The following INPP4B variants were observed in gnomAD, a reference collection of about 807,000 sequenced individuals.
The protein encoded by INPP4B is inositol polyphosphate-4-phosphatase type II B, also known as inositol polyphosphate 4-phosphatase type II.
INPP4B carries 55 observed loss-of-function variants against 122.5 expected under a neutral mutation model. That is an observed-to-expected ratio of 0.45 (90% confidence interval 0.36 to 0.56). The LOEUF is 0.56. Among genes scored for constraint, INPP4B ranks in the 20% least tolerant of loss-of-function variants. The probability of loss-of-function intolerance (pLI) is 0.00; values close to 1 mark genes in which losing one functional copy is unlikely to be tolerated. For synonymous variants in INPP4B, 403 were observed against 388.7 expected, an observed-to-expected ratio of 1.04 and a Z score of -0.43; for missense variants, 1,000 against 1,097.7, an observed-to-expected ratio of 0.91 and a Z score of 1.26.
chr4:142,475,630 G>A lies in INPP4B; in HGVS notation c.-190-12904C>T, dbSNP rs1312576697. On this transcript the variant is annotated intron_variant, in intron 2 of 25. Transcript: ENST00000262992. ...TGGTACAGAAACTAGAAGGTAAAAT[G>A]GCCATTTTAAGAAAGAACCAAACTG... 2.0e-5 allele frequency among the ~76,000 whole-genome samples: 3 copies of A among 152,194 alleles called. No homozygotes were observed. The East Asian group carries it at 5.8e-4, about 29-fold the overall frequency.
chr4:142,758,674 C>G (rs1252160796), intron 1 of INPP4B, among the ~76,000 whole-genome samples: 1 of 152,044 alleles, frequency 6.6e-6, no homozygotes, highest in Admixed American at 6.6e-5. Flanking sequence ...TTGTTAAGGC[C>G]GGGCACAATG....
At chr4:142,612,831 A>C (rs1481741055) in intron 2 of INPP4B, among the ~76,000 whole-genome samples, 1 of 152,156 alleles carries the variant, frequency 6.6e-6, no homozygotes, top group Non-Finnish European at 1.5e-5. Flanking sequence ...ATTGGTGGAA[A>C]AGAAGCATTC....
intron 2 of INPP4B, among the ~76,000 whole-genome samples, chr4:142,607,262 G>A (rs1741466153): frequency 6.6e-6 from 1 of 151,892 alleles, no homozygotes; most frequent in Non-Finnish European, 1.5e-5. Flanking sequence ...GGTACTATAT[G>A]GAAAGCAGAT....
intron 2 of INPP4B, among the ~76,000 whole-genome samples, chr4:142,628,148 C>T (rs1334639715): frequency 6.6e-6 from 1 of 150,588 alleles, no homozygotes; most frequent in Non-Finnish European, 1.5e-5. Context: ...ATAGCAAAGA[C>T]TTGGAACCAA....
intron 2 of INPP4B, chr4:142,467,863 T>G (rs1171806497): frequency 6.6e-6 from 1 of 152,118 alleles, no homozygotes; most frequent in Non-Finnish European, 1.5e-5. Context: ...ACCACTCTCT[T>G]GGTGATAAGT....
intron 17 of INPP4B, among the ~76,000 whole-genome samples, chr4:142,155,444 A>G (rs1816688735): frequency 6.6e-6 from 1 of 152,102 alleles, no homozygotes; most frequent in South Asian, 2.1e-4. Context: ...ACCTGGCTAA[A>G]CATGTTTTGT....
At chr4:142,720,733 T>TATATATATGTATATATATATATATATAA (rs1553997305) in intron 2 of INPP4B, among the ~76,000 whole-genome samples, 4 of 55,448 alleles carry the variant, frequency 7.2e-5, no homozygotes. Context: ...TATATATACA[T>TATATATATGTATATATATATATATATAA]ATATATATAT....
In INPP4B at chr4:142,444,757, C is replaced by A. The variant is rs1404800307; in HGVS notation, c.-126-13372G>T. 3.9e-5 allele frequency among the ~76,000 whole-genome samples: 6 copies of A among 152,084 alleles called. No homozygotes were observed. The East Asian group carries it at 1.2e-3, about 29-fold the overall frequency. On this transcript the variant is annotated intron_variant, in intron 3 of 25. Coordinates refer to ENST00000262992, the MANE Select transcript of INPP4B (RefSeq NM_001101669.3). ...ACAATAGCAAAGACTTGGATCCAAC[C>A]CAAATGCCCATCAATGATAAACTGG...
intron 2 of INPP4B, among the ~76,000 whole-genome samples, chr4:142,639,105 C>G (rs751951871): frequency 6.6e-6 from 1 of 152,052 alleles, no homozygotes; most frequent in Non-Finnish European, 1.5e-5. Context: ...GCTGACCTAG[C>G]CTTGTATACG....
At chr4:142,747,485 T>A (rs1013839476) in intron 1 of INPP4B, among the ~76,000 whole-genome samples, 7 of 152,162 alleles carry the variant, frequency 4.6e-5, no homozygotes, top group African/African-American at 1.7e-4. Context: ...GATGCAGAAC[T>A]AGAAATACCA....
chr4:142,499,283 C>A (rs1560726945), intron 2 of INPP4B, among the ~76,000 whole-genome samples: 3 of 151,916 alleles, frequency 2.0e-5, no homozygotes, highest in African/African-American at 7.3e-5. Flanking sequence ...AATAATACAG[C>A]ACTCAGAGAA....
Position 142,581,852 on chromosome 4 carries a change from G to A in INPP4B, c.-190-119126C>T, listed in dbSNP as rs1295023598. Among the ~76,000 whole-genome samples, 4 of 151,944 alleles carry A rather than the reference G, an allele frequency of 2.6e-5. No homozygotes were observed. In the East Asian group the frequency reaches 7.8e-4, roughly 29 times the overall value. On this transcript the variant is annotated intron_variant, in intron 2 of 25. Transcript: ENST00000262992. ...TCTGATCCTGAATTCACAGGGGCAGGGAATGGGGCTGTAGATGCTATTTAG... is the reference window on the plus strand; with the variant it reads ...TCTGATCCTGAATTCACAGGGGCAGAGAATGGGGCTGTAGATGCTATTTAG...
intron 3 of INPP4B, among the ~76,000 whole-genome samples, chr4:142,456,617 T>C (rs1815479626): frequency 6.6e-6 from 1 of 152,110 alleles, no homozygotes; most frequent in African/African-American, 2.4e-5. Context: ...ATAAAGAACA[T>C]AAAATTTCAT....
intron 22 of INPP4B, among the ~76,000 whole-genome samples, chr4:142,110,236 A>G (rs961199193): frequency 2.6e-5 from 4 of 152,082 alleles, no homozygotes; most frequent in African/African-American, 4.8e-5. Flanking sequence ...AGGTTATGTG[A>G]GCATATAGGG....
chr4:142,838,301 C>T (rs1488007924), intron 1 of INPP4B, among the ~76,000 whole-genome samples: 3 of 151,332 alleles, frequency 2.0e-5, no homozygotes, highest in Admixed American at 2.0e-4. Flanking sequence ...GGGCTTTTCT[C>T]TACTTCCCAT....
At chr4:142,350,971 G>GA (rs1380077918) in intron 7 of INPP4B, among the ~76,000 whole-genome samples, 10 of 151,980 alleles carry the variant, frequency 6.6e-5, no homozygotes, top group Non-Finnish European at 5.9e-5. Flanking sequence ...GAAGAAAGAA[G>GA]AAATATTGTT....
rs147632047 is a variant in INPP4B, at chr4:142,684,313, A to G, written c.-191+41526T>C. The stretch of plus-strand genomic sequence containing the variant: ...GGCCTTACCGAATAGCGCTCCCAAA[A>G]GGGATTGCATGGGAATAATCCCTTT... On this transcript the variant is annotated intron_variant, in intron 2 of 25. Transcript: ENST00000262992. Among the ~76,000 whole-genome samples, 184 of 152,200 alleles carry G rather than the reference A, an allele frequency of 1.2e-3. No homozygotes were observed. In the Middle Eastern group the frequency reaches 0.017, roughly 14 times the overall value.
chr4:142,785,925 T>G lies in INPP4B; in HGVS notation c.-253-60024A>C, dbSNP rs28411004. Among the ~76,000 whole-genome samples the G allele has an allele frequency of 9.3e-3, 1,404 of 151,762 alleles. 27 individuals carry two copies. The highest frequency in any genetic ancestry group is 0.033 in the African/African-American group (1,351 of 41,380). ...AAATTACTGGAAGAAGCCAGGGGGG[T>G]TGGAGGGGACACCTTGCATTTAGAG... is the stretch of plus-strand genomic sequence containing the variant. On this transcript the variant is annotated intron_variant, in intron 1 of 25. Transcript: ENST00000262992.
chr4:142,466,913 C>A lies in INPP4B; in HGVS notation c.-190-4187G>T, dbSNP rs954308621. Among the ~76,000 whole-genome samples, 9 of 152,138 alleles carry A rather than the reference C, an allele frequency of 5.9e-5. No individual in the cohort carries two copies. The South Asian group carries it at 8.3e-4, about 14-fold the overall frequency. ...CAGCTCAGGCTGCCACTTTGAAGAG[C>A]ACAAGCTGCCATAAGCCTTGGTTGC... On this transcript the variant is annotated intron_variant, in intron 2 of 25. Transcript: ENST00000262992.
Sources: gnomAD v4.1 joint callset for allele counts (sites outside exome capture counted in the v4.1 genomes callset) on GRCh38, gnomAD v4.1.1 for gene constraint, MANE v1.5 for transcripts, NCBI Gene and HGNC (gene_info 2026-07-23, HGNC 2026-07-21) for gene names.